The following DMBT1 variants were observed in gnomAD, a reference collection of about 807,000 sequenced individuals.
DMBT1 encodes the protein deleted in malignant brain tumors 1.
DMBT1 carries 198 observed loss-of-function variants against 252.9 expected under a neutral mutation model. That is an observed-to-expected ratio of 0.78 (90% CI 0.70 to 0.88). DMBT1 has a LOEUF of 0.88. Among genes scored for constraint, DMBT1 ranks in the 40% least tolerant of loss-of-function variants. The probability of loss-of-function intolerance (pLI) is 0.00; values close to 1 mark genes in which losing one functional copy is unlikely to be tolerated. For missense variants in DMBT1, 2,432 were observed against 2,404.7 expected (o/e 1.01, Z -0.24); for synonymous variants, 990 against 942.7 (o/e 1.05, Z -0.92).
At position 122,597,063 on chromosome 10, in the gene DMBT1, C is replaced by CAGG; in HGVS notation, c.2917+9_2917+10insAGG. 1.8e-6 allele frequency: 1 copy of CAGG among 553,310 alleles called. No homozygotes were observed. Among genetic ancestry groups the CAGG allele is most frequent in the Non-Finnish European group, 3.1e-6 (1 of 327,258 alleles). 34.3% of individuals were successfully genotyped at this position (553,310 alleles called of 1,614,324 possible). A position where few individuals can be genotyped will look rare whatever the true frequency, so the allele number is the denominator to read the frequency against. On this transcript the variant is annotated intron_variant, in intron 24 of 55. Coordinates refer to ENST00000338354, the MANE Select transcript of DMBT1 (RefSeq NM_001377530.1). ...GTCGACGCCCAGTCCAGGTGAGTCC[C>CAGG]CAGTGTCCTTCCTTGGGATGTCCCT...
At chr10:122,587,007 G>T (rs1039358997) in intron 16 of DMBT1, among the ~76,000 whole-genome samples, 2 of 138,734 alleles carry the variant, frequency 1.4e-5, no homozygotes, top group Admixed American at 7.0e-5. Context: ...ACTTACCCCT[G>T]ACCAGGGAGG....
Position 122,643,275 on chromosome 10 carries a change from C to T in DMBT1, c.7506C>T (p.Arg2502=). 6.2e-7 allele frequency: 1 copy of T among 1,613,992 alleles called. No individual in the cohort carries two copies. The highest frequency in any genetic ancestry group is 8.5e-7 in the Non-Finnish European group (1 of 1,179,890). ...GCAGAGCGTATGACCCCTCTTCCCG[C>T]TGCTACCGAGGCTGTGTGTTGAGGT... ...VVCRAYDPSS[R]CYRGCVLRSK... Residue 2502 remains arginine (R), a synonymous_variant, in exon 56 of 56, where the codon CGC becomes CGT. Coordinates refer to ENST00000338354, the MANE Select transcript of DMBT1 (RefSeq NM_001377530.1).
intron 40 of DMBT1, among the ~76,000 whole-genome samples, chr10:122,617,546 T>G (rs1173266720): frequency 1.3e-5 from 2 of 151,586 alleles, no homozygotes; most frequent in South Asian, 2.1e-4. Context: ...CTGGGACCTC[T>G]TTCCTGGCCC....
At chr10:122,580,205 G>A (rs956866125) in intron 10 of DMBT1, among the ~76,000 whole-genome samples, 4 of 152,198 alleles carry the variant, frequency 2.6e-5, no homozygotes, top group African/African-American at 9.6e-5. Context: ...GTAGCACGGT[G>A]TGAGGGTATA....
At chr10:122,590,540 C>A in intron 17 of DMBT1, 125 bp from the exon 18 acceptor site, 2 of 1,206,204 alleles carry the variant, frequency 1.7e-6, no homozygotes, top group Non-Finnish European at 2.4e-6. Context: ...CATGGCAATG[C>A]CCCTCCCTCT....
At chr10:122,586,013 T>A (rs777396093) in intron 15 of DMBT1, 47 bp from the exon 16 acceptor site, 27 of 1,586,154 alleles carry the variant, frequency 1.7e-5, no homozygotes, top group Middle Eastern at 4.1e-4. Context: ...CTTAGATTCT[T>A]GACCTCATGA....
rs2098234651 is a variant in DMBT1 at position 122,637,299 on chromosome 10, G to T, written c.6929G>T (p.Gly2310Val). 2 of 1,607,560 alleles carry T rather than the reference G, an allele frequency of 1.2e-6. No homozygotes were observed. The highest frequency in any genetic ancestry group is 1.7e-6 in the Non-Finnish European group (2 of 1,176,452). The change falls in exon 54 of 56, where the codon GGC becomes GTC. Residue 2310 changes from glycine to valine, a missense_variant. Physicochemically the swap from Gly to Val is moderately radical, Grantham distance 109 (BLOSUM62 -3). Transcript: ENST00000338354. ...VIFTIPYSGC[G>V]TFKQADNDTI... ...TTCACAATTCCCTACTCAGGCTGCG[G>T]CACCTTCAAGCAGGTAAGCCTGGGG...
At chr10:122,561,640 C>G (rs952662245) in intron 1 of DMBT1, among the ~76,000 whole-genome samples, 1 of 84,466 alleles carries the variant, frequency 1.2e-5, no homozygotes, top group African/African-American at 3.7e-5. Flanking sequence ...CTCTCTCTCC[C>G]TCTGTTTCTG....
In DMBT1 at chr10:122,630,447, C is replaced by G; in HGVS notation, c.5982C>G (p.Phe1994Leu). ...TTCACTTTCGAAGTGACATCAGTTT[C>G]CAAAACACTGGCTTTTTGGCTTGGT... ...MTIHFRSDIS[F>L]QNTGFLAWYN... Residue 1994 changes from phenylalanine (F) to leucine (L), a missense_variant, in exon 48 of 56, where the codon TTC (phenylalanine) becomes TTG (leucine). By Grantham distance (22) the Phe-to-Leu change is conservative (BLOSUM62 0). Around this residue, in one of 3 missense-constraint regions of DMBT1, gnomAD observed 1,162 missense variants for 1,169.0 expected, o/e 0.99. Transcript: ENST00000338354. 1 of 1,613,996 alleles carries G rather than the reference C, an allele frequency of 6.2e-7. No homozygotes were observed. The highest frequency in any genetic ancestry group is 8.5e-7 in the Non-Finnish European group (1 of 1,179,904).
At chr10:122,573,869 G>A (rs2097688417) in intron 6 of DMBT1, 107 bp downstream of exon 6, 4 of 1,402,010 alleles carry the variant, frequency 2.9e-6, no homozygotes, top group Middle Eastern at 1.8e-4. Flanking sequence ...AGGGTGCTTA[G>A]CTCCCACGAG....
At chr10:122,600,489 C>T (rs1260410218) in intron 27 of DMBT1, among the ~76,000 whole-genome samples, 2 of 152,210 alleles carry the variant, frequency 1.3e-5, no homozygotes, top group African/African-American at 4.8e-5. Context: ...TACCCCCATC[C>T]TTCACTGCTG....
At chr10:122,633,402 G>A (rs568440883) in intron 52 of DMBT1, 61 bp downstream of exon 52, 1 of 1,594,466 alleles carries the variant, frequency 6.3e-7, no homozygotes, top group Non-Finnish European at 8.5e-7. Flanking sequence ...GGGAATAAAT[G>A]GTGCTTAAGT....
Position 122,586,516 on chromosome 10 carries a change from T to A in DMBT1, c.1783+133T>A. ...TTCTGATACCTCCTTAGCTCTCTCC[T>A]AGGAAACCGCATGAGTCTTCACCAC... is the stretch of plus-strand genomic sequence containing the variant. On this transcript the variant is annotated intron_variant, in intron 16 of 55. Transcript: ENST00000338354. The A allele has an allele frequency of 1.4e-6, 2 of 1,383,704 alleles. 1 individual carries two copies. The highest frequency in any genetic ancestry group is 5.1e-5 in the East Asian group (2 of 38,992). The allele number at this position is 1,383,704 out of a possible 1,614,324, so 85.7% of individuals were successfully genotyped here. A position where few individuals can be genotyped will look rare whatever the true frequency, so the allele number is the denominator to read the frequency against.
intron 1 of DMBT1, among the ~76,000 whole-genome samples, chr10:122,564,217 T>C (rs1011642697): frequency 4.6e-5 from 7 of 152,194 alleles, no homozygotes; most frequent in African/African-American, 1.7e-4. Flanking sequence ...TTCTCTGACA[T>C]ACGGCAAGTC....
At chr10:122,575,593 C>T (rs980872854) in intron 6 of DMBT1, among the ~76,000 whole-genome samples, 2 of 152,146 alleles carry the variant, frequency 1.3e-5, no homozygotes, top group South Asian at 4.1e-4. Flanking sequence ...ACTACAAATA[C>T]TGAGTCTACT....
Position 122,640,371 on chromosome 10 carries a change from C to T in DMBT1, c.7274C>T (p.Thr2425Ile). The change falls in exon 55 of 56, where the codon ACC becomes ATC. Residue 2425 changes from threonine (T) to isoleucine (I), a missense_variant. By Grantham distance (89) the Thr-to-Ile change is moderately conservative (BLOSUM62 -1). Around this residue, in one of 3 missense-constraint regions of DMBT1, gnomAD observed 1,162 missense variants for 1,169.0 expected, o/e 0.99. Transcript: ENST00000338354. The part of the protein sequence containing the change: ...AEILHSDAVL[T>I]LFVDTCVASP... ...ATCCTCCATTCTGATGCTGTACTGA[C>T]CTTGTTTGTGGACACCTGCGTGGCA... is the stretch of plus-strand genomic sequence containing the variant. The T allele has an allele frequency of 1.9e-6, 3 of 1,614,038 alleles. No individual in the cohort carries two copies. Among genetic ancestry groups the T allele is most frequent in the Middle Eastern group, 1.6e-4 (1 of 6,062 alleles).
At chr10:122,635,878 G>A (rs935336819) in intron 52 of DMBT1, 113 bp from the exon 53 acceptor site, 6 of 1,149,612 alleles carry the variant, frequency 5.2e-6, no homozygotes, top group South Asian at 1.4e-5. Flanking sequence ...GACTTTCATC[G>A]ATGAACTTTG....
intron 1 of DMBT1, 120 bp from the exon 2 acceptor site, chr10:122,565,847 C>A: frequency 1.1e-6 from 1 of 943,358 alleles, no homozygotes; most frequent in Non-Finnish European, 1.7e-6. Context: ...ACACACAAAC[C>A]CAAGATTGAG....
At chr10:122,617,809 A>G (rs1203813630) in intron 40 of DMBT1, among the ~76,000 whole-genome samples, 5 of 151,524 alleles carry the variant, frequency 3.3e-5, no homozygotes, top group Non-Finnish European at 7.3e-5. Flanking sequence ...TGCTTCCCCA[A>G]AATCTGAGCC....
Sources: allele counts gnomAD v4.1 joint callset (sites outside exome capture counted in the v4.1 genomes callset), GRCh38; gene constraint gnomAD v4.1.1; regional missense constraint gnomAD v4.1.1; transcripts MANE v1.5; gene names NCBI Gene and HGNC (gene_info 2026-07-23, HGNC 2026-07-21).